The following PLEKHG1 variants were observed in gnomAD, a reference collection of about 807,000 sequenced individuals.
PLEKHG1 encodes the protein pleckstrin homology and RhoGEF domain containing G1, also known as pleckstrin homology domain-containing family G member 1.
Under a neutral mutation model 100.8 loss-of-function variants are expected in PLEKHG1, and 44 were observed. That is an observed-to-expected ratio of 0.44 (90% CI 0.34 to 0.56). The LOEUF (loss-of-function observed/expected upper bound fraction) is 0.56. PLEKHG1 is among the 20% of genes least tolerant of loss of function. The probability of loss-of-function intolerance (pLI) is 0.01; values close to 1 mark genes in which losing one functional copy is unlikely to be tolerated. For missense variants in PLEKHG1, 1,545 were observed against 1,720.9 expected, an observed-to-expected ratio of 0.90 and a Z score of 1.81; for synonymous variants, 640 against 662.5, an observed-to-expected ratio of 0.97 and a Z score of 0.52.
At chr6:150,781,496 T>A (rs1326772071) in intron 3 of PLEKHG1, among the ~76,000 whole-genome samples, 1 of 151,398 alleles carries the variant, frequency 6.6e-6, no homozygotes, top group East Asian at 2.0e-4. Context: ...AGATGCGAGA[T>A]TCCATCTCCA....
rs142573330 is a variant in PLEKHG1 at position 150,838,012 on chromosome 6, T to C, written c.3095-1821T>C. On this transcript the variant is annotated intron_variant, in intron 15 of 15. Transcript: ENST00000358517. ...GACTATTTACCTTGATCACAGGGAATAGGGGGTGAGGGATTGGGGTTGCAA... is the reference window on the plus strand; with the variant it reads ...GACTATTTACCTTGATCACAGGGAACAGGGGGTGAGGGATTGGGGTTGCAA... Among the ~76,000 whole-genome samples, 247 of 152,296 alleles carry C rather than the reference T, an allele frequency of 1.6e-3. 1 individual carries two copies. Among genetic ancestry groups the C allele is most frequent in the Non-Finnish European group, 2.4e-3 (160 of 68,012 alleles).
intron 1 of PLEKHG1, among the ~76,000 whole-genome samples, chr6:150,604,269 G>A (rs1776493697): frequency 6.6e-6 from 1 of 152,072 alleles, no homozygotes; most frequent in Non-Finnish European, 1.5e-5. Flanking sequence ...CTAGTTCTCT[G>A]GGTCTAGTCA....
rs1166597201 is a variant in PLEKHG1, at chr6:150,600,645, G to A, written c.-204+628G>A. 6.6e-6 allele frequency among the ~76,000 whole-genome samples: 1 copy of A among 152,226 alleles called. No individual in the cohort carries two copies. The highest frequency in any genetic ancestry group is 1.5e-5 in the Non-Finnish European group (1 of 68,042). On this transcript the variant is annotated intron_variant, in intron 1 of 3. Transcript: ENST00000367326. This position sits in a 1 kb window ranked among gnomAD's most constrained non-coding sequence, Gnocchi z 6.2. Reference sequence around the variant, plus strand: ...GAGCCTGTGGCTCTTCCGTCACGGGGTAAACGGTAACACCTGGGCGGCCGC... The same window carrying A: ...GAGCCTGTGGCTCTTCCGTCACGGGATAAACGGTAACACCTGGGCGGCCGC...
chr6:150,769,924 A>G (rs756219107), intron 3 of PLEKHG1, among the ~76,000 whole-genome samples: 2 of 152,140 alleles, frequency 1.3e-5, no homozygotes, highest in East Asian at 1.9e-4. Context: ...CCTGACTCAC[A>G]AAACATTTGC....
intron 3 of PLEKHG1, among the ~76,000 whole-genome samples, chr6:150,783,140 A>T (rs973995968): frequency 6.6e-6 from 1 of 151,300 alleles, no homozygotes; most frequent in Non-Finnish European, 1.5e-5. Context: ...AAAACAAAAA[A>T]ATCAATAAAA....
At chr6:150,781,863 C>T (rs1271838675) in intron 3 of PLEKHG1, among the ~76,000 whole-genome samples, 2 of 151,624 alleles carry the variant, frequency 1.3e-5, no homozygotes, top group African/African-American at 2.4e-5. Context: ...GCTCCACCTC[C>T]CGGGTTCACG....
intron 1 of PLEKHG1, among the ~76,000 whole-genome samples, chr6:150,613,229 C>T (rs560884989): frequency 1.3e-5 from 2 of 152,324 alleles, no homozygotes; most frequent in African/African-American, 4.8e-5. Context: ...TCTTTCAGTT[C>T]CCTGCCCAGG....
intron 2 of PLEKHG1, among the ~76,000 whole-genome samples, chr6:150,752,507 A>G (rs1017976799): frequency 1.3e-5 from 2 of 151,742 alleles, no homozygotes; most frequent in African/African-American, 4.8e-5. Context: ...GAATTTGCCC[A>G]CTCTGGATCC....
intron 6 of PLEKHG1, among the ~76,000 whole-genome samples, chr6:150,802,811 C>T (rs4869696): frequency 0.39 from 59,230 of 151,562 alleles, 13,069 homozygotes; most frequent in East Asian, 0.71. Context: ...CAGGCGCGCA[C>T]CACCATGCCT....
chr6:150,669,237 T>C (rs1582916606), intron 3 of PLEKHG1, among the ~76,000 whole-genome samples: 1 of 152,226 alleles, frequency 6.6e-6, no homozygotes, highest in Non-Finnish European at 1.5e-5. Flanking sequence ...CACATCACTG[T>C]AGATAGCTGG....
At chr6:150,764,895 CT>C (rs907763612) in intron 2 of PLEKHG1, among the ~76,000 whole-genome samples, 1 of 143,728 alleles carries the variant, frequency 7.0e-6, no homozygotes, top group African/African-American at 2.7e-5. Flanking sequence ...TTTGTTTACA[CT>C]TGGCTCTTCA....
At chr6:150,719,637 T>G (rs1237399189), upstream of PLEKHG1, among the ~76,000 whole-genome samples, 2 of 152,044 alleles carry the variant, frequency 1.3e-5, no homozygotes, top group Non-Finnish European at 2.9e-5. Context: ...AAACGGGAGC[T>G]TGATGTGAGC....
intron 2 of PLEKHG1, among the ~76,000 whole-genome samples, chr6:150,734,562 G>A (rs1782465394): frequency 6.6e-6 from 1 of 152,150 alleles, no homozygotes; most frequent in Non-Finnish European, 1.5e-5. Context: ...TCATTGGCCT[G>A]GGTGGGGCTT....
chr6:150,655,727 A>AG (rs1465962780), intron 3 of PLEKHG1, among the ~76,000 whole-genome samples: 14 of 151,372 alleles, frequency 9.2e-5, no homozygotes, highest in Non-Finnish European at 2.1e-4. Flanking sequence ...AAAAAAAAAA[A>AG]AAAGAAAATG....
intron 2 of PLEKHG1, among the ~76,000 whole-genome samples, chr6:150,644,350 T>TTG (rs1554255848): frequency 6.7e-6 from 1 of 148,768 alleles, no homozygotes; most frequent in African/African-American, 2.5e-5. Flanking sequence ...TTTTTTTTTT[T>TTG]TTGTTACAGA....
At chr6:150,715,935 C>G (rs1414527145) in intron 3 of PLEKHG1, among the ~76,000 whole-genome samples, 2 of 147,638 alleles carry the variant, frequency 1.4e-5, no homozygotes, top group Admixed American at 1.3e-4. Flanking sequence ...GGTGAAACCC[C>G]GTCTCTACTA....
intron 1 of PLEKHG1, chr6:150,626,213 C>A (rs1777503844): frequency 6.6e-6 from 1 of 151,956 alleles, no homozygotes; most frequent in South Asian, 2.1e-4. Flanking sequence ...GCAAGAAAGA[C>A]AAAAAGGGTC....
intron 3 of PLEKHG1, among the ~76,000 whole-genome samples, chr6:150,656,744 G>T (rs1582896069): frequency 6.6e-6 from 1 of 152,176 alleles, no homozygotes; most frequent in South Asian, 2.1e-4. Flanking sequence ...GTCAACTATG[G>T]CGAAGAGAAG....
chr6:150,686,110 A>G (rs1163770588), intron 3 of PLEKHG1, among the ~76,000 whole-genome samples: 1 of 152,248 alleles, frequency 6.6e-6, no homozygotes, highest in Non-Finnish European at 1.5e-5. Context: ...AGTAGGGGGC[A>G]CACGGGAGCA....
Sources: gnomAD v4.1 joint callset for allele counts (sites outside exome capture counted in the v4.1 genomes callset) on GRCh38, gnomAD v4.1.1 for gene constraint, Gnocchi (gnomAD v3.1) non-coding constraint, MANE v1.5 for transcripts, NCBI Gene and HGNC (gene_info 2026-07-23, HGNC 2026-07-21) for gene names.